CCAR1: variants seen among roughly 807,000 people sequenced by gnomAD.
CCAR1 encodes the protein cell division cycle and apoptosis regulator 1, also known as cell division cycle and apoptosis regulator protein 1.
In CCAR1, 78 loss-of-function variants were observed where a neutral mutation model predicts 163.8. That is an observed-to-expected ratio of 0.48 (90% CI 0.40 to 0.57). CCAR1 has a LOEUF of 0.57. CCAR1 is among the 20% of genes least tolerant of loss of function. CCAR1 has a pLI of 0.00. For missense variants in CCAR1, 1,019 were observed against 1,365.2 expected (o/e 0.75, Z 4.00); for synonymous variants, 443 against 460.7 (o/e 0.96, Z 0.49).
intron 4 of CCAR1, among the ~76,000 whole-genome samples, chr10:68,738,376 C>G (rs551127346): frequency 6.6e-6 from 1 of 151,342 alleles, no homozygotes; most frequent in African/African-American, 2.4e-5. Context: ...TATGGTGAGC[C>G]GAGATCACAC....
At chr10:68,723,524 T>C (rs2055891921) in intron 2 of CCAR1, among the ~76,000 whole-genome samples, 1 of 152,058 alleles carries the variant, frequency 6.6e-6, no homozygotes, top group Non-Finnish European at 1.5e-5. Flanking sequence ...GTATTTGGCA[T>C]GTTAAGTTGT....
rs185050021 is a variant in CCAR1, at chr10:68,724,236, G to C, written c.73+1659G>C. ...CCAGCATTTTGGGAGGCCAAGGTGG[G>C]CAGATCACCTGAGGTCAGGAGTTCG... On this transcript the variant is annotated intron_variant, in intron 2 of 24. Coordinates refer to ENST00000265872, the MANE Select transcript of CCAR1 (RefSeq NM_018237.4). Among the ~76,000 whole-genome samples, 6 of 152,276 alleles carry C rather than the reference G, an allele frequency of 3.9e-5. No individual in the cohort carries two copies. The East Asian group carries it at 1.2e-3, about 29-fold the overall frequency.
chr10:68,785,062 C>T (rs906991459), intron 19 of CCAR1, among the ~76,000 whole-genome samples: 1 of 151,556 alleles, frequency 6.6e-6, no homozygotes, highest in African/African-American at 2.4e-5. Context: ...GGACTACAGA[C>T]GCCGGCCACC....
At position 68,791,752 on chromosome 10, in the gene CCAR1, AT is replaced by A. The variant is rs1414656161; in HGVS notation, c.*487del. On this transcript the variant is annotated 3_prime_UTR_variant, in exon 25 of 25. Coordinates refer to ENST00000265872, the MANE Select transcript of CCAR1 (RefSeq NM_018237.4). ...CTCATCACCAAAAAATCCCCTCTTG[AT>A]CAGTCTCTAAAAGCATTCATTAAAA... is the stretch of plus-strand genomic sequence containing the variant. 2 of 153,448 alleles carry A rather than the reference AT, an allele frequency of 1.3e-5. No homozygotes were observed. Among genetic ancestry groups the A allele is most frequent in the Admixed American group, 1.3e-4 (2 of 15,254 alleles). 9.5% of individuals were successfully genotyped at this position (153,448 alleles called of 1,614,324 possible).
At chr10:68,761,978 T>C (rs1395014114) in intron 16 of CCAR1, among the ~76,000 whole-genome samples, 2 of 152,130 alleles carry the variant, frequency 1.3e-5, no homozygotes, top group Non-Finnish European at 2.9e-5. Flanking sequence ...TGTGAGTTTT[T>C]ACAAATGCAT....
At chr10:68,786,087 A>C (rs1194094005) in intron 19 of CCAR1, 49 bp from the exon 20 acceptor site, 3 of 1,257,220 alleles carry the variant, frequency 2.4e-6, no homozygotes, top group Non-Finnish European at 3.5e-6. Flanking sequence ...GCCCACTTGA[A>C]AGTATGTGTA....
chr10:68,758,295 T>G (rs2056420662), intron 15 of CCAR1, among the ~76,000 whole-genome samples: 2 of 152,030 alleles, frequency 1.3e-5, no homozygotes, highest in African/African-American at 4.8e-5. Flanking sequence ...CCTCAAGCGA[T>G]CTATCCACCC....
chr10:68,758,514 G>A (rs1049162594), intron 15 of CCAR1, among the ~76,000 whole-genome samples: 1 of 141,360 alleles, frequency 7.1e-6, no homozygotes, highest in African/African-American at 3.0e-5. Flanking sequence ...GTGTGTGTGT[G>A]TGTGTGTGTG....
chr10:68,776,896 T>G (rs911362585), intron 19 of CCAR1, among the ~76,000 whole-genome samples: 1 of 152,202 alleles, frequency 6.6e-6, no homozygotes, highest in Non-Finnish European at 1.5e-5. Flanking sequence ...TTGAACTGTC[T>G]ACTTGACACC....
chr10:68,740,573 T>C, intron 4 of CCAR1, 56 bp from the exon 5 acceptor site: 1 of 1,371,564 alleles, frequency 7.3e-7, no homozygotes, highest in Non-Finnish European at 1.0e-6. Context: ...GAAGCATCTA[T>C]GAAGCAACAA....
chr10:68,779,261 CTTT>C (rs5785871), intron 19 of CCAR1, among the ~76,000 whole-genome samples: 5 of 143,736 alleles, frequency 3.5e-5, no homozygotes, highest in Admixed American at 7.0e-5. Context: ...CAATAAGATA[CTTT>C]TTTTTTTTTT....
intron 1 of CCAR1, chr10:68,721,583 G>T (rs1316921996): frequency 4.4e-6 from 2 of 450,320 alleles, no homozygotes; most frequent in Admixed American, 4.7e-5. Flanking sequence ...AGCCGCTGCG[G>T]TTTTACCCTC....
At chr10:68,769,969 AG>A (rs1283049315) in intron 17 of CCAR1, among the ~76,000 whole-genome samples, 3 of 151,222 alleles carry the variant, frequency 2.0e-5, no homozygotes, top group Non-Finnish European at 4.4e-5. Context: ...AAAATTATAT[AG>A]TTTTAGGTTT....
intron 19 of CCAR1, among the ~76,000 whole-genome samples, chr10:68,777,130 T>C (rs2056676412): frequency 6.6e-6 from 1 of 152,210 alleles, no homozygotes; most frequent in Non-Finnish European, 1.5e-5. Flanking sequence ...CAGGAAGTTA[T>C]ATTTGCTCTG....
chr10:68,778,491 C>T (rs1423575958), intron 19 of CCAR1, among the ~76,000 whole-genome samples: 1 of 151,550 alleles, frequency 6.6e-6, no homozygotes, highest in African/African-American at 2.4e-5. Flanking sequence ...TGCAATCCCC[C>T]GCCCTCCCTT....
chr10:68,776,725 T>G (rs1230025517), intron 19 of CCAR1, among the ~76,000 whole-genome samples: 2 of 152,080 alleles, frequency 1.3e-5, no homozygotes, highest in Admixed American at 6.6e-5. Context: ...GCTGTTTAAT[T>G]TTTTGTAGAG....
chr10:68,727,177 T>C (rs1469652576), intron 2 of CCAR1, among the ~76,000 whole-genome samples: 2 of 150,842 alleles, frequency 1.3e-5, no homozygotes, highest in Admixed American at 6.6e-5. Flanking sequence ...AAGTGATTCT[T>C]GTGCCTCAGC....
chr10:68,787,480 A>C (rs2056808587), intron 21 of CCAR1, among the ~76,000 whole-genome samples: 1 of 152,196 alleles, frequency 6.6e-6, no homozygotes, highest in Non-Finnish European at 1.5e-5. Context: ...ACTTTTTAAC[A>C]ATGAAGTTTT....
rs557390395 is a variant in CCAR1, at chr10:68,771,005, G to T, written c.2299-201G>T. On this transcript the variant is annotated intron_variant, in intron 17 of 24. Transcript: ENST00000265872. ...AGGCAGGAGAATGGCGTGAACCCGG[G>T]AGGTGGAGCTTGCTGTGAGCCAAGA... 2.0e-5 allele frequency among the ~76,000 whole-genome samples: 3 copies of T among 152,236 alleles called. No individual in the cohort carries two copies. In the South Asian group the frequency reaches 6.2e-4, roughly 32 times the overall value.
Sources: gnomAD v4.1 joint callset for allele counts (sites outside exome capture counted in the v4.1 genomes callset) on GRCh38, gnomAD v4.1.1 for gene constraint, MANE v1.5 for transcripts, NCBI Gene and HGNC (gene_info 2026-07-23, HGNC 2026-07-21) for gene names.